The following IMMP2L variants were observed in gnomAD, a reference collection of about 807,000 sequenced individuals.
IMMP2L encodes the protein mitochondrial inner membrane protease subunit 2.
In IMMP2L, 18 loss-of-function variants were observed where a neutral mutation model predicts 19.3. That is an observed-to-expected ratio of 0.93 (90% confidence interval 0.64 to 1.38). The LOEUF (loss-of-function observed/expected upper bound fraction) is 1.38, where lower values mean the gene tolerates loss of function less well. Ranked by LOEUF, IMMP2L falls within the 40% of genes most tolerant of loss-of-function variation. The probability of loss-of-function intolerance (pLI) is 0.00; values close to 1 mark genes in which losing one functional copy is unlikely to be tolerated. For synonymous variants in IMMP2L, 76 were observed against 73.0 expected, an observed-to-expected ratio of 1.04 and a Z score of -0.21; for missense variants, 233 against 218.2, an observed-to-expected ratio of 1.07 and a Z score of -0.43.
rs1792108534 is a variant in IMMP2L at position 111,561,860 on chromosome 7, C to T, written c.-12G>A. The T allele has an allele frequency of 6.6e-6, 1 of 152,624 alleles. No homozygotes were observed. Among genetic ancestry groups the T allele is most frequent in the African/African-American group, 2.4e-5 (1 of 41,436 alleles). 9.5% of individuals were successfully genotyped at this position (152,624 alleles called of 1,614,324 possible). ...ACCATTCCTTACTTACCCTTTCTCC[C>T]GCTCTTCCTCGGTGAGAAGGGGTAA... On this transcript the variant is annotated 5_prime_UTR_variant, in exon 1 of 6. Transcript: ENST00000405709.
chr7:110,664,044 T>C (rs1416741930), intron 5 of IMMP2L, among the ~76,000 whole-genome samples: 3 of 152,116 alleles, frequency 2.0e-5, no homozygotes, highest in Non-Finnish European at 4.4e-5. Context: ...CCAAAATTCA[T>C]ACAGCTACCA....
At chr7:110,962,383 T>C (rs1030049177) in intron 4 of IMMP2L, 11 of 151,922 alleles carry the variant, frequency 7.2e-5, no homozygotes. Flanking sequence ...AAGAATACGA[T>C]TTAAATAAAA....
intron 3 of IMMP2L, among the ~76,000 whole-genome samples, chr7:111,357,756 G>A (rs1391270609): frequency 2.0e-5 from 3 of 151,930 alleles, no homozygotes. Context: ...TACTCTCTTA[G>A]CCCTAAGCAA....
At chr7:110,722,020 G>C (rs190709058) in intron 5 of IMMP2L, among the ~76,000 whole-genome samples, 1 of 152,104 alleles carries the variant, frequency 6.6e-6, no homozygotes, top group African/African-American at 2.4e-5. Context: ...TGGCAAGACT[G>C]ATGAAGGTTT....
intron 5 of IMMP2L, among the ~76,000 whole-genome samples, chr7:110,851,183 A>G (rs1181470004): frequency 6.6e-6 from 1 of 152,164 alleles, no homozygotes; most frequent in Non-Finnish European, 1.5e-5. Context: ...TTAAATGTAC[A>G]TATTCAAAAA....
At chr7:111,388,408 T>C (rs113022762) in intron 3 of IMMP2L, among the ~76,000 whole-genome samples, 2,406 of 152,012 alleles carry the variant, frequency 0.016, 60 homozygotes, top group African/African-American at 0.053. Context: ...ACCCTGTCGT[T>C]TGGAATCGAG....
chr7:111,502,517 AT>A lies in IMMP2L; in HGVS notation c.136-15177del, dbSNP rs1203125865. Reference sequence around the variant, plus strand: ...TCCACCCCAAATCAACAGAATATACATTTTTTTTCAGCACCACACCACACCT... The same window carrying A: ...TCCACCCCAAATCAACAGAATATACATTTTTTTCAGCACCACACCACACCT... On this transcript the variant is annotated intron_variant, in intron 2 of 5. Transcript: ENST00000405709. 3.8e-3 allele frequency among the ~76,000 whole-genome samples: 581 copies of A among 151,896 alleles called. 6 individuals are homozygous for A. The highest frequency in any genetic ancestry group is 0.012 in the African/African-American group (517 of 41,400).
chr7:110,881,849 G>A (rs1809674362), intron 5 of IMMP2L, among the ~76,000 whole-genome samples: 1 of 152,152 alleles, frequency 6.6e-6, no homozygotes, highest in Non-Finnish European at 1.5e-5. Context: ...ACAGCATCTA[G>A]AGTGCTTTAT....
At chr7:111,152,840 C>G (rs1026207931) in intron 3 of IMMP2L, among the ~76,000 whole-genome samples, 1 of 152,094 alleles carries the variant, frequency 6.6e-6, no homozygotes. Context: ...TATGAGCTAA[C>G]AAGAAGTAAA....
intron 3 of IMMP2L, among the ~76,000 whole-genome samples, chr7:111,050,546 G>A (rs1237797294): frequency 6.6e-6 from 1 of 152,080 alleles, no homozygotes; most frequent in Non-Finnish European, 1.5e-5. Flanking sequence ...TTGTTTAAAG[G>A]GGACATCTTT....
At chr7:111,253,905 A>G (rs569758015) in intron 3 of IMMP2L, among the ~76,000 whole-genome samples, 1 of 152,150 alleles carries the variant, frequency 6.6e-6, no homozygotes, top group Non-Finnish European at 1.5e-5. Flanking sequence ...ACAAATCCAG[A>G]TATCAGAATT....
chr7:111,124,504 T>C lies in IMMP2L; in HGVS notation c.240-160939A>G, dbSNP rs1801049401. 3 of 1,613,846 alleles carry C rather than the reference T, an allele frequency of 1.9e-6. 1 individual carries two copies. The highest frequency in any genetic ancestry group is 3.3e-5 in the Admixed American group (2 of 59,938). ...TCGAATACCATCTGATGTCAAGGTA[T>C]ATAATCTTACTCATCTGAATCCATC... On this transcript the variant is annotated intron_variant, in intron 3 of 5. Coordinates refer to ENST00000405709, the MANE Select transcript of IMMP2L (RefSeq NM_032549.4).
chr7:111,053,330 G>C (rs1793171138), intron 3 of IMMP2L, among the ~76,000 whole-genome samples: 1 of 152,176 alleles, frequency 6.6e-6, no homozygotes, highest in Non-Finnish European at 1.5e-5. Flanking sequence ...TGGGAGGGGA[G>C]CATGTGCAGT....
intron 5 of IMMP2L, among the ~76,000 whole-genome samples, chr7:110,774,451 T>A (rs1217191696): frequency 6.6e-6 from 1 of 152,080 alleles, no homozygotes. Flanking sequence ...TTTTTACTAC[T>A]TTTATCCAGA....
chr7:110,956,922 T>C (rs1031278508), intron 4 of IMMP2L, among the ~76,000 whole-genome samples: 13 of 152,176 alleles, frequency 8.5e-5, no homozygotes, highest in African/African-American at 2.9e-4. Context: ...ATTCATTTTA[T>C]GGTTTTCTAA....
intron 5 of IMMP2L, among the ~76,000 whole-genome samples, chr7:110,762,183 T>G (rs1562960832): frequency 6.6e-6 from 1 of 152,146 alleles, no homozygotes; most frequent in Admixed American, 6.6e-5. Flanking sequence ...CTCCCAAAAG[T>G]TATATAAAAT....
At chr7:110,792,962 G>A (rs1285977096) in intron 5 of IMMP2L, among the ~76,000 whole-genome samples, 1 of 151,992 alleles carries the variant, frequency 6.6e-6, no homozygotes, top group South Asian at 2.1e-4. Context: ...TGTGCTATAC[G>A]AAATAAGCCA....
At chr7:110,768,740 C>T (rs984071363) in intron 5 of IMMP2L, among the ~76,000 whole-genome samples, 2 of 152,124 alleles carry the variant, frequency 1.3e-5, no homozygotes, top group African/African-American at 4.8e-5. Flanking sequence ...CCTCCTTTCT[C>T]GTTTTAAGCT....
At chr7:111,539,222 GAA>G (rs1482417596) in intron 1 of IMMP2L, among the ~76,000 whole-genome samples, 2 of 120,974 alleles carry the variant, frequency 1.7e-5, no homozygotes, top group East Asian at 2.2e-4. Flanking sequence ...AAGAAAGAAA[GAA>G]AGAAAGAAAG....
Sources: allele counts gnomAD v4.1 joint callset (sites outside exome capture counted in the v4.1 genomes callset), GRCh38; gene constraint gnomAD v4.1.1; transcripts MANE v1.5; gene names NCBI Gene and HGNC (gene_info 2026-07-23, HGNC 2026-07-21).